Variants in TUBGCP6 observed in about 807,000 individuals in gnomAD.
TUBGCP6 encodes tubulin gamma complex component 6.
A neutral mutation model predicts 175.8 loss-of-function variants in TUBGCP6; 161 were observed. That is an observed-to-expected ratio of 0.92 (90% CI 0.81 to 1.04). The LOEUF (loss-of-function observed/expected upper bound fraction) is 1.04, where lower values mean the gene tolerates loss of function less well. TUBGCP6 is among the 50% of genes least tolerant of loss of function. The probability of loss-of-function intolerance (pLI) is 0.00; values close to 1 mark genes in which losing one functional copy is unlikely to be tolerated. For missense variants in TUBGCP6, 2,572 were observed against 2,433.0 expected (o/e 1.06, Z -1.20); for synonymous variants, 1,173 against 1,030.5 (o/e 1.14, Z -2.65).
Position 50,220,360 on chromosome 22 carries a change from G to A in TUBGCP6, c.3999C>T (p.Ser1333=). ...TGATGCTCCCCTCCCCGCAGCCCGAGCTGGGGGAGGACAGAGATGGCCCCA... is the reference window on the plus strand; with the variant it reads ...TGATGCTCCCCTCCCCGCAGCCCGAACTGGGGGAGGACAGAGATGGCCCCA... ...VEVGPSLSSP[S]SGCGEGSISV... is the part of the protein sequence containing the mutation. The change falls in exon 16 of 25, where the codon AGC becomes AGT. Residue 1333 remains serine, a synonymous_variant. Transcript: ENST00000248846. 1 of 1,562,656 alleles carries A rather than the reference G, an allele frequency of 6.4e-7. No homozygotes were observed. Among genetic ancestry groups the A allele is most frequent in the South Asian group, 1.2e-5 (1 of 84,158 alleles).
chr22:50,219,024 G>A (rs764493267), intron 20 of TUBGCP6, 44 bp downstream of exon 20: 28 of 1,606,640 alleles, frequency 1.7e-5, no homozygotes, highest in East Asian at 4.5e-5. Context: ...CTTTTCCCAC[G>A]GCCTCCCCTC....
intron 3 of TUBGCP6, among the ~76,000 whole-genome samples, chr22:50,232,344 C>T (rs1337343882): frequency 6.9e-6 from 1 of 145,208 alleles, no homozygotes; most frequent in South Asian, 2.2e-4. Flanking sequence ...CCAGAATGGG[C>T]AACAGAGCGA....
chr22:50,218,392 G>A lies in TUBGCP6; in HGVS notation c.4965C>T (p.Ser1655=). The change falls in exon 23 of 25, where the codon AGC becomes AGT. Residue 1655 remains serine, a synonymous_variant. Coordinates refer to ENST00000248846, the MANE Select transcript of TUBGCP6 (RefSeq NM_020461.4). Reference sequence around the variant, plus strand: ...GGAACTGCACAGAGCCGGCCATGTGGCTCAGCAGGGCTGGCGGAGGGCAGA... The same window carrying A: ...GGAACTGCACAGAGCCGGCCATGTGACTCAGCAGGGCTGGCGGAGGGCAGA... The part of the protein sequence containing the change: ...CFHLKRTALL[S]HMAGSVQFRQ... 4.3e-6 allele frequency: 7 copies of A among 1,613,020 alleles called. No homozygotes were observed. Among genetic ancestry groups the A allele is most frequent in the South Asian group, 1.1e-5 (1 of 91,090 alleles).
chr22:50,222,682 C>A, intron 13 of TUBGCP6, 90 bp from the exon 14 acceptor site: 2 of 1,550,028 alleles, frequency 1.3e-6, no homozygotes, highest in Non-Finnish European at 1.7e-6. Context: ...TTCTCCATAA[C>A]AGAGGCCCCA....
At chr22:50,222,186 C>T (rs548240091) in intron 14 of TUBGCP6, 84 bp from the exon 15 acceptor site, 1 of 1,417,822 alleles carries the variant, frequency 7.1e-7, no homozygotes, top group South Asian at 1.2e-5. Context: ...CCCTACCGCC[C>T]ATGGCAGCCA....
chr22:50,229,362 T>C (rs1168360606), intron 4 of TUBGCP6, 42 bp downstream of exon 4: 1 of 1,599,892 alleles, frequency 6.3e-7, no homozygotes, highest in South Asian at 1.1e-5. Flanking sequence ...GTGTGCACCG[T>C]TCTCACAAAG....
chr22:50,223,897 T>G, intron 13 of TUBGCP6: 1 of 505,796 alleles, frequency 2.0e-6, no homozygotes, highest in Non-Finnish European at 3.6e-6. Context: ...CCCCAAACAG[T>G]ACGCAGGCCT....
intron 1 of TUBGCP6, among the ~76,000 whole-genome samples, 192 bp downstream of exon 1, chr22:50,243,527 A>G (rs1324076106): frequency 2.7e-5 from 4 of 148,622 alleles, no homozygotes; most frequent in Non-Finnish European, 5.9e-5. Flanking sequence ...CTGAGGTACG[A>G]GAATTGCTTG....
At chr22:50,221,976 C>T (rs925886786) in intron 15 of TUBGCP6, 52 bp downstream of exon 15, 38 of 1,607,566 alleles carry the variant, frequency 2.4e-5, no homozygotes, top group South Asian at 1.1e-4. Flanking sequence ...CACCAGGTGC[C>T]GAGGGCTATG....
Position 50,220,338 on chromosome 22 carries a change from T to A in TUBGCP6, c.4021A>T (p.Ile1341Phe), listed in dbSNP as rs1336949624. 4 of 1,571,968 alleles carry A rather than the reference T, an allele frequency of 2.5e-6. No individual in the cohort carries two copies. The African/African-American group carries it at 5.4e-5, about 21-fold the overall frequency. Residue 1341 changes from isoleucine to phenylalanine, a missense_variant, in exon 16 of 25, where the codon ATC becomes TTC. Physicochemically the swap from Ile to Phe is conservative, Grantham distance 21. Transcript: ENST00000248846. ...SPSSGCGEGS[I>F]SVGENVSDVA... ...TCTGACACGTTCTCCCCCACGCTGA[T>A]GCTCCCCTCCCCGCAGCCCGAGCTG... is the stretch of plus-strand genomic sequence containing the variant.
In TUBGCP6 at chr22:50,243,946, G is replaced by C; in HGVS notation, c.514C>G (p.His172Asp). ...SLISREECLC[H>D]SMIQETLQVM... Reference sequence around the variant, plus strand: ...TGAAGTGTTTCCTGGATCATGCTGTGACACAAACACTCTTCTCTGGAGATC... The same window carrying C: ...TGAAGTGTTTCCTGGATCATGCTGTCACACAAACACTCTTCTCTGGAGATC... Residue 172 changes from histidine (H) to aspartate (D), a missense_variant, in exon 1 of 25, where the codon CAC becomes GAC. Transcript: ENST00000248846. 2 of 1,614,124 alleles carry C rather than the reference G, an allele frequency of 1.2e-6. No homozygotes were observed. Among genetic ancestry groups the C allele is most frequent in the Middle Eastern group, 1.6e-4 (1 of 6,062 alleles).
intron 13 of TUBGCP6, 193 bp downstream of exon 13, chr22:50,223,947 GC>G: frequency 1.7e-6 from 1 of 597,522 alleles, no homozygotes; most frequent in Admixed American, 2.9e-5. Context: ...ACAAGACAAC[GC>G]GCAGAACAGC....
intron 1 of TUBGCP6, among the ~76,000 whole-genome samples, chr22:50,240,596 C>A (rs1281355986): frequency 6.6e-6 from 1 of 152,218 alleles, no homozygotes; most frequent in Non-Finnish European, 1.5e-5. Flanking sequence ...ACATAAGCCT[C>A]AGTGGAACTT....
At chr22:50,222,220 T>C in intron 14 of TUBGCP6, 118 bp from the exon 15 acceptor site, 1 of 1,238,806 alleles carries the variant, frequency 8.1e-7, no homozygotes. Flanking sequence ...AGACAAGGCT[T>C]GTGCTGGGCT....
intron 10 of TUBGCP6, among the ~76,000 whole-genome samples, chr22:50,225,255 T>G (rs1052324031): frequency 2.6e-5 from 4 of 151,936 alleles, no homozygotes; most frequent in Non-Finnish European, 5.9e-5. Context: ...TGCCCAAGTA[T>G]CCCTGCTGCC....
At position 50,218,777 on chromosome 22, in the gene TUBGCP6, C is replaced by A; in HGVS notation, c.4747G>T (p.Ala1583Ser). The A allele has an allele frequency of 3.7e-6, 6 of 1,614,052 alleles. No individual in the cohort carries two copies. The highest frequency in any genetic ancestry group is 5.1e-6 in the Non-Finnish European group (6 of 1,179,998). ...AACACCTCGGGCAGGTACTTGAGAG[C>A]GAGGGAGAGGTTGGAGGCGTGCGGG... Reference protein sequence around the residue: ...DTPHASNLSLALKYLPEVFAP... With the variant: ...DTPHASNLSLSLKYLPEVFAP... The change falls in exon 21 of 25, where the codon GCT becomes TCT. Residue 1583 changes from alanine to serine, a missense_variant. Transcript: ENST00000248846.
chr22:50,222,333 C>T (rs1214948832), intron 14 of TUBGCP6, 121 bp downstream of exon 14: 11 of 1,454,332 alleles, frequency 7.6e-6, no homozygotes, highest in Admixed American at 3.7e-5. Flanking sequence ...AGTGCTCTGC[C>T]GCAAACGCGA....
rs201997192 is a variant in TUBGCP6 at position 50,218,747 on chromosome 22, G to A, written c.4777C>T (p.Pro1593Ser). 4 of 1,613,922 alleles carry A rather than the reference G, an allele frequency of 2.5e-6. No homozygotes were observed. Among genetic ancestry groups the A allele is most frequent in the Admixed American group, 1.7e-5 (1 of 59,994 alleles). The change falls in exon 21 of 25, where the codon CCC becomes TCC. Residue 1593 changes from proline (P) to serine (S), a missense_variant. Pro to Ser is a moderately conservative substitution (Grantham distance 74, BLOSUM62 -1). Transcript: ENST00000248846. ...ALKYLPEVFA[P>S]NAPDVLSCLE... ...CAGCTCAGCACATCCGGGGCGTTGG[G>A]GGCAAACACCTCGGGCAGGTACTTG...
In TUBGCP6 at chr22:50,226,736, G is replaced by A. The variant is rs775128324; in HGVS notation, c.1598C>T (p.Thr533Ile). Residue 533 changes from threonine to isoleucine, a missense_variant, in exon 7 of 25, where the codon ACC (threonine) becomes ATC (isoleucine). By Grantham distance (89) the Thr-to-Ile change is moderately conservative. Transcript: ENST00000248846. ...SLLKTSCEPY[T>I]RFIHDWVYSG... is the part of the protein sequence containing the mutation. ...GCCTGCCCAGCCCACTGCCCACCGGGTGTAGGGCTCGCAGCTGGTCTTCAG... is the reference window on the plus strand; with the variant it reads ...GCCTGCCCAGCCCACTGCCCACCGGATGTAGGGCTCGCAGCTGGTCTTCAG... 8.2e-6 allele frequency: 13 copies of A among 1,580,466 alleles called. No individual in the cohort carries two copies. The Admixed American group carries it at 1.9e-4, about 23-fold the overall frequency.
Sources: gnomAD v4.1 joint callset for allele counts (sites outside exome capture counted in the v4.1 genomes callset) on GRCh38, gnomAD v4.1.1 for gene constraint, MANE v1.5 for transcripts, NCBI Gene and HGNC (gene_info 2026-07-23, HGNC 2026-07-21) for gene names.